PTPN11: variants seen among roughly 807,000 people sequenced by gnomAD.
PTPN11 encodes the protein protein tyrosine phosphatase non-receptor type 11, also known as tyrosine-protein phosphatase non-receptor type 11.
A neutral mutation model predicts 78.8 loss-of-function variants in PTPN11; 6 were observed. The observed-to-expected ratio is 0.08, with a 90% CI of 0.04 to 0.15. PTPN11 has a LOEUF of 0.15. Ranked by LOEUF, PTPN11 falls within the 10% of genes least tolerant of loss-of-function variation. The probability of loss-of-function intolerance (pLI) is 1.00; values close to 1 mark genes in which losing one functional copy is unlikely to be tolerated. For missense variants in PTPN11, 386 were observed against 744.8 expected (o/e 0.52, Z 5.61); for synonymous variants, 221 against 263.5 (o/e 0.84, Z 1.56).
intron 14 of PTPN11, among the ~76,000 whole-genome samples, chr12:112,503,510 T>C (rs1165680947): frequency 6.6e-6 from 1 of 152,242 alleles, no homozygotes; most frequent in Non-Finnish European, 1.5e-5. Context: ...AATGAAATTA[T>C]ACAGCAGAGG....
chr12:112,436,109 A>C (rs2037785565), intron 1 of PTPN11, among the ~76,000 whole-genome samples: 2 of 152,206 alleles, frequency 1.3e-5, no homozygotes, highest in South Asian at 4.1e-4. Context: ...CAAAGAATAA[A>C]TAAAACAAAC....
At chr12:112,420,405 G>A (rs2037504489) in intron 1 of PTPN11, among the ~76,000 whole-genome samples, 1 of 151,838 alleles carries the variant, frequency 6.6e-6, no homozygotes, top group Admixed American at 6.6e-5. Flanking sequence ...GAGTGCAGTG[G>A]CGCAATCTCG....
intron 13 of PTPN11, among the ~76,000 whole-genome samples, chr12:112,497,827 AG>A (rs1315732768): frequency 6.6e-6 from 1 of 152,172 alleles, no homozygotes; most frequent in Non-Finnish European, 1.5e-5. Flanking sequence ...GAAGTCATTG[AG>A]GAGTCTGAAG....
rs563253529 is a variant in PTPN11 at position 112,491,932 on chromosome 12, C to T, written c.1599+2757C>T. ...GTGTTGCCCCGGCTGGCCTTGAACT[C>T]CTGGGCTCAAGTGACCCTCCCGCCT... is the stretch of plus-strand genomic sequence containing the variant. On this transcript the variant is annotated intron_variant, in intron 13 of 15. Transcript: ENST00000351677. Among the ~76,000 whole-genome samples the T allele has an allele frequency of 2.6e-5, 4 of 152,318 alleles. No homozygotes were observed. In the South Asian group the frequency reaches 8.3e-4, roughly 32 times the overall value.
Position 112,442,830 on chromosome 12 carries a change from TTATATATATATATATATATATATATA to T in PTPN11, c.15-3423_15-3398del, listed in dbSNP as rs71086107. Among the ~76,000 whole-genome samples the T allele has an allele frequency of 4.5e-3, 198 of 43,536 alleles. 7 individuals carry two copies. The South Asian group carries it at 0.048, about 11-fold the overall frequency. 28.6% of individuals were successfully genotyped at this position (43,536 alleles called of 152,430 possible). A position where few individuals can be genotyped will look rare whatever the true frequency, so the allele number is the denominator to read the frequency against. ...CTCTCTCCTCTCTCTCTCTCTCTTT[TTATATATATATATATATATATATATA>T]TATATATATATATATATATATAAAT... On this transcript the variant is annotated intron_variant, in intron 1 of 15. Coordinates refer to ENST00000351677, the MANE Select transcript of PTPN11 (RefSeq NM_002834.5).
Position 112,477,980 on chromosome 12 carries a change from A to C in PTPN11, c.1057A>C (p.Ile353Leu), listed in dbSNP as rs752392909. Reference sequence around the variant, plus strand: ...GGTGTTCCAAGAAAACTCCCGAGTGATTGTCATGACAACGAAAGAAGTGGA... The same window carrying C: ...GGTGTTCCAAGAAAACTCCCGAGTGCTTGTCATGACAACGAAAGAAGTGGA... ...RMVFQENSRV[I>L]VMTTKEVERG... The change falls in exon 9 of 16, where the codon ATT becomes CTT. Residue 353 changes from isoleucine (I) to leucine (L), a missense_variant. Around this residue, in one of 3 missense-constraint regions of PTPN11, gnomAD observed 279 missense variants for 503.3 expected, o/e 0.55. Coordinates refer to ENST00000351677, the MANE Select transcript of PTPN11 (RefSeq NM_002834.5). 1.2e-6 allele frequency: 2 copies of C among 1,614,156 alleles called. No individual in the cohort carries two copies. Among genetic ancestry groups the C allele is most frequent in the Non-Finnish European group, 8.5e-7 (1 of 1,180,006 alleles).
chr12:112,426,280 G>C (rs1405939239), intron 1 of PTPN11, among the ~76,000 whole-genome samples: 2 of 151,910 alleles, frequency 1.3e-5, no homozygotes, highest in Admixed American at 6.6e-5. Context: ...CTTTGAGACA[G>C]AGTTTCACTC....
At chr12:112,454,059 T>C (rs1335616929) in intron 4 of PTPN11, among the ~76,000 whole-genome samples, 1 of 152,084 alleles carries the variant, frequency 6.6e-6, no homozygotes, top group Non-Finnish European at 1.5e-5. Context: ...TATATTATTA[T>C]ACTTATCATA....
At chr12:112,468,552 G>A (rs974007385) in intron 6 of PTPN11, among the ~76,000 whole-genome samples, 1 of 152,214 alleles carries the variant, frequency 6.6e-6, no homozygotes, top group African/African-American at 2.4e-5. Flanking sequence ...GGGCTAATTG[G>A]TGCACTAGGG....
chr12:112,477,890 C>T lies in PTPN11; in HGVS notation c.967C>T (p.Pro323Ser), dbSNP rs779400765. ...EFETKCNNSK[P>S]KKSYIATQGC... ...TGAAACCAAGTGCAACAATTCAAAG[C>T]CCAAAAAGAGTTACATTGCCACACA... Residue 323 changes from proline (P) to serine (S), a missense_variant, in exon 9 of 16, where the codon CCC becomes TCC. This residue lies in a region of PTPN11 where 279 missense variants were observed against 503.3 expected (regional missense o/e 0.55). Coordinates refer to ENST00000351677, the MANE Select transcript of PTPN11 (RefSeq NM_002834.5). 6.2e-7 allele frequency: 1 copy of T among 1,614,100 alleles called. No homozygotes were observed. The highest frequency in any genetic ancestry group is 1.1e-5 in the South Asian group (1 of 91,076).
rs2038941795 is a variant in PTPN11 at position 112,506,899 on chromosome 12, A to G, written c.*1107A>G. Reference sequence around the variant, plus strand: ...AAAGCAGAAATGGCCAGGCCTTCTGAAAACTTAAGTCCAGAATTGTCACAG... The same window carrying G: ...AAAGCAGAAATGGCCAGGCCTTCTGGAAACTTAAGTCCAGAATTGTCACAG... On this transcript the variant is annotated 3_prime_UTR_variant, in exon 16 of 16. Coordinates refer to ENST00000351677, the MANE Select transcript of PTPN11 (RefSeq NM_002834.5). 5.1e-6 allele frequency: 1 copy of G among 195,720 alleles called. No homozygotes were observed. The highest frequency in any genetic ancestry group is 1.1e-5 in the Non-Finnish European group (1 of 93,962). 12.1% of individuals were successfully genotyped at this position (195,720 alleles called of 1,614,324 possible).
chr12:112,434,353 T>C (rs909523750), intron 1 of PTPN11, among the ~76,000 whole-genome samples: 1 of 152,110 alleles, frequency 6.6e-6, no homozygotes, highest in Non-Finnish European at 1.5e-5. Flanking sequence ...CTCACACCTG[T>C]AATCCCAACA....
At chr12:112,456,198 C>T in intron 6 of PTPN11, 135 bp downstream of exon 6, 2 of 708,002 alleles carry the variant, frequency 2.8e-6, no homozygotes, top group South Asian at 3.2e-5. Context: ...CATTGATTGA[C>T]ACGGAGCAAG....
At chr12:112,453,049 C>A in intron 3 of PTPN11, 146 bp from the exon 4 acceptor site, 1 of 710,126 alleles carries the variant, frequency 1.4e-6, no homozygotes, top group Non-Finnish European at 2.3e-6. Flanking sequence ...GATTTTCTGT[C>A]TCAGGTGGGA....
chr12:112,501,256 G>C (rs1472559560), intron 13 of PTPN11, among the ~76,000 whole-genome samples: 1 of 152,170 alleles, frequency 6.6e-6, no homozygotes, highest in African/African-American at 2.4e-5. Flanking sequence ...CCACATCTGA[G>C]ATGAGACTGC....
intron 6 of PTPN11, among the ~76,000 whole-genome samples, chr12:112,470,119 A>G (rs1416566222): frequency 6.6e-6 from 1 of 151,948 alleles, no homozygotes; most frequent in Non-Finnish European, 1.5e-5. Context: ...GCCAGCTCTC[A>G]CCATATTGCC....
intron 13 of PTPN11, among the ~76,000 whole-genome samples, chr12:112,495,690 A>T (rs1008120503): frequency 2.0e-5 from 3 of 152,242 alleles, no homozygotes; most frequent in Non-Finnish European, 4.4e-5. Flanking sequence ...CATTTAATGC[A>T]TCTAAACTAC....
chr12:112,480,366 CTTT>C (rs570561435), intron 9 of PTPN11, among the ~76,000 whole-genome samples: 4 of 130,268 alleles, frequency 3.1e-5, no homozygotes, highest in South Asian at 2.5e-4. Context: ...CCACATCGTT[CTTT>C]TTTTTTTTTT....
intron 6 of PTPN11, among the ~76,000 whole-genome samples, chr12:112,460,376 AT>A (rs2038229876): frequency 6.6e-6 from 1 of 152,328 alleles, no homozygotes; most frequent in Admixed American, 6.5e-5. Context: ...CCCTGTCATC[AT>A]ATTTTTTATT....
Sources: allele counts gnomAD v4.1 joint callset (sites outside exome capture counted in the v4.1 genomes callset), GRCh38; gene constraint gnomAD v4.1.1; regional missense constraint gnomAD v4.1.1; transcripts MANE v1.5; gene names NCBI Gene and HGNC (gene_info 2026-07-23, HGNC 2026-07-21).